The following DCUN1D3 variants were observed in gnomAD, a reference collection of about 807,000 sequenced individuals.
DCUN1D3 encodes defective in cullin neddylation 1 domain containing 3.
A neutral mutation model predicts 24.8 loss-of-function variants in DCUN1D3; 6 were observed. That is an observed-to-expected ratio of 0.24 (90% CI 0.13 to 0.48). The LOEUF (loss-of-function observed/expected upper bound fraction) is 0.48, where lower values mean the gene tolerates loss of function less well. Ranked by LOEUF, DCUN1D3 falls within the 20% of genes least tolerant of loss-of-function variation. The pLI is 0.99. For missense variants in DCUN1D3, 258 were observed against 379.4 expected (o/e 0.68, Z 2.66); for synonymous variants, 120 against 144.9 (o/e 0.83, Z 1.24).
intron 1 of DCUN1D3, among the ~76,000 whole-genome samples, chr16:20,898,529 A>G (rs2081930667): frequency 1.3e-5 from 2 of 152,252 alleles, no homozygotes; most frequent in South Asian, 4.1e-4. Flanking sequence ...ACTAGGTTCT[A>G]AATCAGTTAA....
intron 1 of DCUN1D3, among the ~76,000 whole-genome samples, chr16:20,899,434 T>C (rs1567434021): frequency 6.6e-6 from 1 of 152,118 alleles, no homozygotes; most frequent in African/African-American, 2.4e-5. Flanking sequence ...ACAGCCTGTA[T>C]GAAGTATTAC....
intron 2 of DCUN1D3, among the ~76,000 whole-genome samples, chr16:20,861,905 C>A (rs2081735376): frequency 2.0e-5 from 3 of 152,108 alleles, no homozygotes; most frequent in African/African-American, 7.2e-5. Context: ...ATTTTAAACC[C>A]TTAGAGTCCA....
chr16:20,889,836 A>G (rs1391609432), intron 1 of DCUN1D3, among the ~76,000 whole-genome samples: 1 of 152,220 alleles, frequency 6.6e-6, no homozygotes, highest in Non-Finnish European at 1.5e-5. Context: ...GTGAAGGGCT[A>G]GCCAAACCAG....
chr16:20,859,805 G>T lies in DCUN1D3; in HGVS notation c.*81C>A. ...AAAGTAGAAAATATCCGGATCTTCAGTAATTTCCAAAATGGTCCAATTCCT... is the reference window on the plus strand; with the variant it reads ...AAAGTAGAAAATATCCGGATCTTCATTAATTTCCAAAATGGTCCAATTCCT... On this transcript the variant is annotated 3_prime_UTR_variant, in exon 3 of 3. Transcript: ENST00000324344. 6.7e-7 allele frequency: 1 copy of T among 1,499,996 alleles called. No homozygotes were observed. The highest frequency in any genetic ancestry group is 2.3e-5 in the East Asian group (1 of 43,544). 92.9% of individuals were successfully genotyped at this position (1,499,996 alleles called of 1,614,324 possible).
chr16:20,862,179 A>C lies in DCUN1D3; in HGVS notation c.360T>G (p.Val120=). 1 of 1,614,224 alleles carries C rather than the reference A, an allele frequency of 6.2e-7. No homozygotes were observed. ...GCAGCACTCGAAATTCTGTGGGGTC[A>C]ACACACAGGTCATTGCAAAAGCGCT... is the stretch of plus-strand genomic sequence containing the variant. ...GMERFCNDLC[V]DPTEFRVLLL... is the part of the protein sequence containing the mutation. Residue 120 remains valine, a synonymous_variant, in exon 2 of 3, where the codon GTT becomes GTG. Transcript: ENST00000324344.
intron 1 of DCUN1D3, among the ~76,000 whole-genome samples, chr16:20,874,867 G>A (rs148277540): frequency 1.3e-5 from 2 of 151,966 alleles, no homozygotes; most frequent in Admixed American, 6.5e-5. Flanking sequence ...CATGTAGCAT[G>A]AGGCCCCAGA....
intron 1 of DCUN1D3, among the ~76,000 whole-genome samples, chr16:20,883,017 G>A (rs992769428): frequency 6.6e-6 from 1 of 152,102 alleles, no homozygotes; most frequent in Non-Finnish European, 1.5e-5. Context: ...GACCAGAAGT[G>A]TTCTGGATTT....
chr16:20,882,211 G>C (rs1235846805), intron 1 of DCUN1D3, among the ~76,000 whole-genome samples: 4 of 151,200 alleles, frequency 2.6e-5, no homozygotes, highest in African/African-American at 4.9e-5. Flanking sequence ...TCCTGACTGA[G>C]AGCCTCTCTG....
intron 1 of DCUN1D3, among the ~76,000 whole-genome samples, chr16:20,893,204 CA>C (rs1006459313): frequency 2.0e-5 from 3 of 151,242 alleles, no homozygotes; most frequent in African/African-American, 7.3e-5. Flanking sequence ...GACAGGGTCT[CA>C]CTCTGTCACC....
intron 1 of DCUN1D3, among the ~76,000 whole-genome samples, chr16:20,890,913 ATT>A (rs150298028): frequency 1.2e-4 from 17 of 143,806 alleles, no homozygotes; most frequent in African/African-American, 1.8e-4. Flanking sequence ...CCTGGTCAAA[ATT>A]TTTTTTTTTT....
chr16:20,891,166 G>C (rs1007983406), intron 1 of DCUN1D3, among the ~76,000 whole-genome samples: 3 of 151,824 alleles, frequency 2.0e-5, no homozygotes, highest in African/African-American at 7.3e-5. Flanking sequence ...GCTAATTTTT[G>C]TATTTTTAGT....
intron 1 of DCUN1D3, among the ~76,000 whole-genome samples, chr16:20,877,481 C>A (rs529125392): frequency 6.6e-6 from 1 of 152,310 alleles, no homozygotes; most frequent in East Asian, 1.9e-4. Flanking sequence ...TTTTACCTGC[C>A]TTATTCGCCA....
At chr16:20,881,110 G>GA in intron 1 of DCUN1D3, among the ~76,000 whole-genome samples, 1 of 152,258 alleles carries the variant, frequency 6.6e-6, no homozygotes, top group Non-Finnish European at 1.5e-5. Context: ...CCTTCAGTGA[G>GA]AAATATATTT....
At chr16:20,874,090 T>C (rs539317173) in intron 1 of DCUN1D3, among the ~76,000 whole-genome samples, 53 of 152,194 alleles carry the variant, frequency 3.5e-4, no homozygotes, top group Admixed American at 3.5e-3. Flanking sequence ...CTATCACAAC[T>C]GAAAGAGTCC....
chr16:20,883,276 G>A, intron 1 of DCUN1D3, among the ~76,000 whole-genome samples: 1 of 152,178 alleles, frequency 6.6e-6, no homozygotes. Context: ...ACTTTGGGAG[G>A]CCGAGGCGGA....
At chr16:20,881,201 T>A (rs913392677) in intron 1 of DCUN1D3, among the ~76,000 whole-genome samples, 4 of 152,204 alleles carry the variant, frequency 2.6e-5, no homozygotes, top group Non-Finnish European at 4.4e-5. Flanking sequence ...TTTTAAATAT[T>A]TACCCAAGCC....
intron 1 of DCUN1D3, among the ~76,000 whole-genome samples, chr16:20,869,289 C>T (rs1474970537): frequency 6.6e-6 from 1 of 152,268 alleles, no homozygotes; most frequent in Admixed American, 6.5e-5. Context: ...AGAGGACAAA[C>T]TCACACTGAG....
At chr16:20,863,902 G>A (rs2081746279) in intron 1 of DCUN1D3, among the ~76,000 whole-genome samples, 2 of 152,198 alleles carry the variant, frequency 1.3e-5, no homozygotes, top group Non-Finnish European at 2.9e-5. Flanking sequence ...ATGGTGCTGG[G>A]ATAACCGGCT....
intron 1 of DCUN1D3, among the ~76,000 whole-genome samples, chr16:20,873,970 G>GGCA (rs1479180540): frequency 6.6e-6 from 1 of 152,178 alleles, no homozygotes; most frequent in Non-Finnish European, 1.5e-5. Context: ...GAATTTTGAA[G>GGCA]GCATTATTTA....
Sources: gnomAD v4.1 joint callset for allele counts (sites outside exome capture counted in the v4.1 genomes callset) on GRCh38, gnomAD v4.1.1 for gene constraint, MANE v1.5 for transcripts, NCBI Gene and HGNC (gene_info 2026-07-23, HGNC 2026-07-21) for gene names.